The following RSPO2 variants were observed in gnomAD, a reference collection of about 807,000 sequenced individuals.
The protein encoded by RSPO2 is R-spondin 2.
In RSPO2, 14 loss-of-function variants were observed where a neutral mutation model predicts 30.9. The observed-to-expected ratio is 0.45, with a 90% CI of 0.30 to 0.71. The LOEUF (loss-of-function observed/expected upper bound fraction) is 0.71, where lower values mean the gene tolerates loss of function less well. Among genes scored for constraint, RSPO2 ranks in the 30% least tolerant of loss-of-function variants. RSPO2 has a pLI of 0.08. For synonymous variants in RSPO2, 107 were observed against 96.4 expected, an observed-to-expected ratio of 1.11 and a Z score of -0.64; for missense variants, 264 against 301.9, an observed-to-expected ratio of 0.87 and a Z score of 0.93.
intron 2 of RSPO2, among the ~76,000 whole-genome samples, chr8:108,078,644 A>C (rs965399074): frequency 2.6e-5 from 4 of 152,254 alleles, no homozygotes; most frequent in African/African-American, 9.6e-5. Context: ...TACCAGAAAC[A>C]TGCCACAATA....
chr8:107,988,975 A>G, intron 3 of RSPO2, 81 bp downstream of exon 3: 1 of 1,301,768 alleles, frequency 7.7e-7, no homozygotes, highest in Admixed American at 2.6e-5. Context: ...TTTTTTAAAA[A>G]AATCATTCAA....
At chr8:108,009,428 C>T (rs2074606147) in intron 2 of RSPO2, among the ~76,000 whole-genome samples, 1 of 152,002 alleles carries the variant, frequency 6.6e-6, no homozygotes, top group Non-Finnish European at 1.5e-5. Flanking sequence ...TACAAAGAAC[C>T]ACTGATTATG....
At chr8:107,977,189 A>G (rs113999353) in intron 3 of RSPO2, among the ~76,000 whole-genome samples, 445 of 152,352 alleles carry the variant, frequency 2.9e-3, no homozygotes, top group African/African-American at 0.01. Flanking sequence ...ATATCCTCAT[A>G]TGCTTAGAAG....
chr8:107,925,814 T>C (rs1280371252), intron 5 of RSPO2, among the ~76,000 whole-genome samples: 2 of 152,234 alleles, frequency 1.3e-5, no homozygotes, highest in African/African-American at 4.8e-5. Flanking sequence ...TTGTTGGACA[T>C]CTGGGTTGGT....
intron 5 of RSPO2, among the ~76,000 whole-genome samples, chr8:107,952,086 G>A (rs1306051744): frequency 6.6e-6 from 1 of 152,092 alleles, no homozygotes; most frequent in Non-Finnish European, 1.5e-5. Context: ...AGGGTGGGCT[G>A]GGGAGAGGAA....
At chr8:108,018,741 C>A (rs1810969445) in intron 2 of RSPO2, among the ~76,000 whole-genome samples, 1 of 152,070 alleles carries the variant, frequency 6.6e-6, no homozygotes, top group Non-Finnish European at 1.5e-5. Context: ...TAAATACTTC[C>A]AAATATTTCC....
chr8:107,928,008 A>C (rs1402337763), intron 5 of RSPO2, among the ~76,000 whole-genome samples: 1 of 152,154 alleles, frequency 6.6e-6, no homozygotes, highest in African/African-American at 2.4e-5. Context: ...TAGACCAAAA[A>C]AATCACTGTG....
chr8:107,957,315 C>T (rs189483571), intron 5 of RSPO2, among the ~76,000 whole-genome samples: 66 of 152,254 alleles, frequency 4.3e-4, no homozygotes, highest in Admixed American at 1.5e-3. Flanking sequence ...TTGTAGCATC[C>T]GCTAGTGATA....
chr8:108,036,270 T>C (rs1431352619), intron 2 of RSPO2, among the ~76,000 whole-genome samples: 2 of 152,200 alleles, frequency 1.3e-5, no homozygotes, highest in Admixed American at 6.5e-5. Flanking sequence ...CTAGATCCCT[T>C]AAGAATTATG....
At chr8:107,935,057 A>G (rs1812671584) in intron 5 of RSPO2, among the ~76,000 whole-genome samples, 1 of 152,200 alleles carries the variant, frequency 6.6e-6, no homozygotes, top group East Asian at 1.9e-4. Context: ...TTCAGGGAAC[A>G]AGGGAGATAA....
intron 5 of RSPO2, among the ~76,000 whole-genome samples, chr8:107,910,507 T>C (rs914892289): frequency 1.4e-4 from 21 of 152,302 alleles, no homozygotes; most frequent in Non-Finnish European, 2.1e-4. Context: ...TACTCCAGCC[T>C]GGGTGACAAA....
At chr8:107,902,057 C>G (rs375342917) in intron 5 of RSPO2, among the ~76,000 whole-genome samples, 1 of 152,124 alleles carries the variant, frequency 6.6e-6, no homozygotes, top group Non-Finnish European at 1.5e-5. Context: ...CCTTTGTACA[C>G]ATAAGATTTT....
At chr8:107,957,344 G>A (rs953971638) in intron 5 of RSPO2, among the ~76,000 whole-genome samples, 11 of 152,162 alleles carry the variant, frequency 7.2e-5, no homozygotes, top group Admixed American at 7.2e-4. Flanking sequence ...GTAACCCAGT[G>A]ATTACTGCTT....
chr8:107,901,301 A>G (rs532476121), intron 5 of RSPO2, 111 bp from the exon 6 acceptor site: 51 of 1,209,470 alleles, frequency 4.2e-5, no homozygotes, highest in Non-Finnish European at 9.0e-6. Context: ...AACATCACCT[A>G]TGGAAAAAGC....
intron 5 of RSPO2, among the ~76,000 whole-genome samples, chr8:107,903,509 T>C (rs1048166697): frequency 6.6e-6 from 1 of 152,116 alleles, no homozygotes; most frequent in African/African-American, 2.4e-5. Context: ...TATTAAATGG[T>C]TTTGGGTTTA....
intron 5 of RSPO2, among the ~76,000 whole-genome samples, chr8:107,930,672 A>G (rs1373848504): frequency 6.6e-6 from 1 of 152,220 alleles, no homozygotes; most frequent in Non-Finnish European, 1.5e-5. Flanking sequence ...TTTCATCCCT[A>G]AATCAATCAT....
rs150051298 is a variant in RSPO2 at position 107,963,816 on chromosome 8, T to C, written c.284-2999A>G. Among the ~76,000 whole-genome samples, 412 of 152,282 alleles carry C rather than the reference T, an allele frequency of 2.7e-3. 1 individual carries two copies. Among genetic ancestry groups the C allele is most frequent in the Middle Eastern group, 0.014 (4 of 294 alleles). ...TTAACATTGTAAAATTAAGCTCTTTTGATTTTAACAGGCAAGAATAAAGGC... is the reference window on the plus strand; with the variant it reads ...TTAACATTGTAAAATTAAGCTCTTTCGATTTTAACAGGCAAGAATAAAGGC... On this transcript the variant is annotated intron_variant, in intron 3 of 5. Transcript: ENST00000276659.
Position 108,082,545 on chromosome 8 carries a change from C to G in RSPO2, c.94G>C (p.Ala32Pro). ...GCACCTTTGGCAGAGAGGGACCCACCTCGCTTACTGCGTCTCCATCGGTTG... is the reference window on the plus strand; with the variant it reads ...GCACCTTTGGCAGAGAGGGACCCACGTCGCTTACTGCGTCTCCATCGGTTG... ...QGNRWRRSKR[A>P]SYVSNPICKG... The change falls in exon 2 of 6, where the codon GCT (alanine) becomes CCT (proline). Residue 32 changes from alanine to proline, a missense_variant and splice_region_variant. Transcript: ENST00000276659. 6.2e-7 allele frequency: 1 copy of G among 1,613,628 alleles called. No homozygotes were observed. Among genetic ancestry groups the G allele is most frequent in the East Asian group, 2.2e-5 (1 of 44,874 alleles).
At chr8:107,989,412 T>G (rs1282385819) in intron 2 of RSPO2, 168 bp from the exon 3 acceptor site, 2 of 531,554 alleles carry the variant, frequency 3.8e-6, no homozygotes, top group African/African-American at 4.0e-5. Context: ...CCCAAAAAGT[T>G]GTTAATACAC....
Sources: allele counts gnomAD v4.1 joint callset (sites outside exome capture counted in the v4.1 genomes callset), GRCh38; gene constraint gnomAD v4.1.1; transcripts MANE v1.5; gene names NCBI Gene and HGNC (gene_info 2026-07-23, HGNC 2026-07-21).